PARD3: variants seen among roughly 807,000 people sequenced by gnomAD.
PARD3 encodes the protein partitioning defective 3 homolog.
A neutral mutation model predicts 155.4 loss-of-function variants in PARD3; 75 were observed. The ratio of observed to expected loss-of-function variants is 0.48; its 90% CI spans 0.40 to 0.58. The LOEUF (loss-of-function observed/expected upper bound fraction) is 0.58. Among genes scored for constraint, PARD3 ranks in the 20% least tolerant of loss-of-function variants. The probability of loss-of-function intolerance (pLI) is 0.00; values close to 1 mark genes in which losing one functional copy is unlikely to be tolerated. For synonymous variants in PARD3, 576 were observed against 610.5 expected (o/e 0.94, Z 0.83); for missense variants, 1,642 against 1,721.7 (o/e 0.95, Z 0.82).
chr10:34,583,403 T>C (rs912823053), intron 2 of PARD3, among the ~76,000 whole-genome samples: 1 of 152,220 alleles, frequency 6.6e-6, no homozygotes, highest in Non-Finnish European at 1.5e-5. Context: ...ATGTGCTCCC[T>C]GCTTTTATTA....
intron 22 of PARD3, among the ~76,000 whole-genome samples, chr10:34,206,193 G>A (rs1951472807): frequency 6.6e-6 from 1 of 152,220 alleles, no homozygotes; most frequent in Non-Finnish European, 1.5e-5. Flanking sequence ...TGGCTGCTGG[G>A]CCAGGAGGAA....
chr10:34,271,301 C>T (rs1438540329), intron 21 of PARD3, among the ~76,000 whole-genome samples: 2 of 151,980 alleles, frequency 1.3e-5, no homozygotes, highest in African/African-American at 2.4e-5. Context: ...GCAAAAAACC[C>T]TTAATGAAAT....
At chr10:34,500,769 A>T (rs533960790) in intron 3 of PARD3, among the ~76,000 whole-genome samples, 6 of 152,290 alleles carry the variant, frequency 3.9e-5, no homozygotes, top group African/African-American at 2.4e-5. Context: ...ATAATAACAT[A>T]AAATGAATAC....
At chr10:34,542,981 T>A (rs2083756243) in intron 2 of PARD3, among the ~76,000 whole-genome samples, 3 of 152,210 alleles carry the variant, frequency 2.0e-5, no homozygotes, top group African/African-American at 7.2e-5. Flanking sequence ...AAGAGTTAGA[T>A]GTTAGGATTG....
intron 22 of PARD3, among the ~76,000 whole-genome samples, chr10:34,152,240 C>T (rs1307011283): frequency 6.6e-6 from 1 of 152,186 alleles, no homozygotes; most frequent in Non-Finnish European, 1.5e-5. Context: ...GAACTACAGT[C>T]TTGCATTGTT....
chr10:34,615,162 C>G (rs2091171799), intron 2 of PARD3, among the ~76,000 whole-genome samples: 2 of 152,176 alleles, frequency 1.3e-5, no homozygotes, highest in South Asian at 4.1e-4. Flanking sequence ...GCCTGGGCAG[C>G]CTGGGTGGCA....
chr10:34,284,630 T>G (rs761151600), intron 20 of PARD3, among the ~76,000 whole-genome samples: 2 of 152,192 alleles, frequency 1.3e-5, no homozygotes, highest in Non-Finnish European at 2.9e-5. Context: ...GACTAAAGAA[T>G]GATAATCCAC....
chr10:34,398,327 T>C (rs1033277172), intron 7 of PARD3, among the ~76,000 whole-genome samples: 3 of 152,178 alleles, frequency 2.0e-5, no homozygotes, highest in Non-Finnish European at 4.4e-5. Flanking sequence ...ATCTATCTTC[T>C]ACAACACCCT....
intron 2 of PARD3, among the ~76,000 whole-genome samples, chr10:34,658,187 A>G (rs1158390974): frequency 6.6e-6 from 1 of 152,102 alleles, no homozygotes; most frequent in Admixed American, 6.6e-5. Flanking sequence ...GGATTTATTC[A>G]AATGTTTTTT....
intron 1 of PARD3, among the ~76,000 whole-genome samples, chr10:34,725,644 G>A (rs2094695802): frequency 1.3e-5 from 2 of 152,094 alleles, no homozygotes; most frequent in Admixed American, 6.6e-5. Context: ...TCTCAAAAGG[G>A]AATGAGGGAA....
chr10:34,308,759 G>A (rs1470459912), intron 20 of PARD3, among the ~76,000 whole-genome samples: 3 of 152,176 alleles, frequency 2.0e-5, no homozygotes, highest in Non-Finnish European at 4.4e-5. Flanking sequence ...CCTATAGGCT[G>A]TATTTGGATC....
intron 21 of PARD3, among the ~76,000 whole-genome samples, chr10:34,276,338 A>G (rs1378801189): frequency 1.3e-5 from 2 of 152,168 alleles, no homozygotes; most frequent in Non-Finnish European, 2.9e-5. Flanking sequence ...TATACTAAAT[A>G]AAGTAATAAG....
intron 24 of PARD3, among the ~76,000 whole-genome samples, chr10:34,112,563 A>T (rs1946442001): frequency 6.6e-6 from 1 of 152,190 alleles, no homozygotes; most frequent in South Asian, 2.1e-4. Context: ...AACAAAGTAT[A>T]TTGCTCCATT....
At chr10:34,554,232 C>T (rs2084813206) in intron 2 of PARD3, among the ~76,000 whole-genome samples, 1 of 152,178 alleles carries the variant, frequency 6.6e-6, no homozygotes, top group Admixed American at 6.5e-5. Flanking sequence ...ATGTTATATG[C>T]ACTCTAAAAC....
At chr10:34,250,118 T>C (rs1361228165) in intron 22 of PARD3, among the ~76,000 whole-genome samples, 1 of 151,676 alleles carries the variant, frequency 6.6e-6, no homozygotes, top group East Asian at 1.9e-4. Context: ...CACGTTATTA[T>C]CAGCTGTTTA....
In PARD3 at chr10:34,505,635, G is replaced by C. The variant is rs58487524; in HGVS notation, c.403+11344C>G. Among the ~76,000 whole-genome samples the C allele has an allele frequency of 8.5e-3, 1,291 of 152,242 alleles. 18 individuals are homozygous for C. The highest frequency in any genetic ancestry group is 0.03 in the African/African-American group (1,232 of 41,530). On this transcript the variant is annotated intron_variant, in intron 3 of 24. Coordinates refer to ENST00000374788, the MANE Select transcript of PARD3 (RefSeq NM_001184785.2). ...AACAGGCAAGCCTTTCCAGATGAAT[G>C]CCAGGCCAATGTCTACATCTGATGA...
At chr10:34,521,227 A>G (rs1280980746) in intron 2 of PARD3, among the ~76,000 whole-genome samples, 1 of 152,190 alleles carries the variant, frequency 6.6e-6, no homozygotes, top group East Asian at 1.9e-4. Context: ...CAATATGCCA[A>G]TAACATACAA....
chr10:34,748,741 T>C (rs1035022290), intron 1 of PARD3, among the ~76,000 whole-genome samples: 2 of 152,130 alleles, frequency 1.3e-5, no homozygotes, highest in Non-Finnish European at 2.9e-5. Context: ...GTGGCTTCAT[T>C]CATGAAGACA....
chr10:34,487,721 A>G (rs1399898388), intron 3 of PARD3, among the ~76,000 whole-genome samples: 1 of 151,760 alleles, frequency 6.6e-6, no homozygotes, highest in Admixed American at 6.6e-5. Context: ...TCTGAGTGGG[A>G]GTCAATCTAA....
Sources: gnomAD v4.1 joint callset for allele counts (sites outside exome capture counted in the v4.1 genomes callset) on GRCh38, gnomAD v4.1.1 for gene constraint, MANE v1.5 for transcripts, NCBI Gene and HGNC (gene_info 2026-07-23, HGNC 2026-07-21) for gene names.